PCBP3: variants seen among roughly 807,000 people sequenced by gnomAD.
PCBP3 encodes the protein poly(rC) binding protein 3, also known as poly(rC)-binding protein 3.
A neutral mutation model predicts 52.7 loss-of-function variants in PCBP3; 25 were observed. That is an observed-to-expected ratio of 0.47 (90% CI 0.35 to 0.66). The LOEUF is 0.66. Ranked by LOEUF, PCBP3 falls within the 30% of genes least tolerant of loss-of-function variation. The probability of loss-of-function intolerance (pLI) is 0.01; values close to 1 mark genes in which losing one functional copy is unlikely to be tolerated. For missense variants in PCBP3, 391 were observed against 490.3 expected (o/e 0.80, Z 1.91); for synonymous variants, 162 against 183.0 (o/e 0.89, Z 0.93).
chr21:45,744,010 T>C (rs936516872), intron 3 of PCBP3, among the ~76,000 whole-genome samples: 2 of 151,844 alleles, frequency 1.3e-5, no homozygotes, highest in Non-Finnish European at 2.9e-5. Flanking sequence ...ATTTCTACCA[T>C]GGTTATTGAT....
intron 3 of PCBP3, among the ~76,000 whole-genome samples, chr21:45,755,088 T>A (rs1288167214): frequency 6.6e-6 from 1 of 152,176 alleles, no homozygotes; most frequent in African/African-American, 2.4e-5. Context: ...ATATTATAAA[T>A]AGAATATTTT....
chr21:45,795,212 A>G (rs1015782444), intron 4 of PCBP3, among the ~76,000 whole-genome samples: 2 of 152,198 alleles, frequency 1.3e-5, no homozygotes, highest in African/African-American at 2.4e-5. Flanking sequence ...TTGACAAATC[A>G]AAGGGACCAG....
chr21:45,942,438 G>C lies in PCBP3; in HGVS notation c.*732G>C, dbSNP rs1006199696. The C allele has an allele frequency of 2.6e-5, 4 of 152,168 alleles. No individual in the cohort carries two copies. Among genetic ancestry groups the C allele is most frequent in the African/African-American group, 9.7e-5 (4 of 41,408 alleles). The allele number at this position is 152,168 out of a possible 1,614,324, so 9.4% of individuals were successfully genotyped here. On this transcript the variant is annotated 3_prime_UTR_variant, in exon 18 of 18. Transcript: ENST00000681687. ...CTGTGCTCCTCAGAGTTCAATAAAT[G>C]TCGTGGCCCCTCCTCACCGGCTCTG...
chr21:45,893,830 C>G, intron 5 of PCBP3: 1 of 985,380 alleles, frequency 1.0e-6, no homozygotes, highest in Non-Finnish European at 1.2e-6. Flanking sequence ...AACGGCCAGT[C>G]CCATGGGGCC....
intron 4 of PCBP3, among the ~76,000 whole-genome samples, chr21:45,844,244 G>A (rs183384813): frequency 7.9e-5 from 12 of 152,104 alleles, no homozygotes; most frequent in Admixed American, 2.6e-4. Flanking sequence ...ATGCTTTGCC[G>A]TCTTGGTGAG....
intron 12 of PCBP3, chr21:45,914,610 GC>G (rs2096470082): frequency 6.5e-6 from 1 of 154,026 alleles, no homozygotes; most frequent in Admixed American, 6.5e-5. Flanking sequence ...TTTGGTTTCA[GC>G]CCTTGAGCTC....
At chr21:45,692,913 A>G (rs1603272537) in intron 2 of PCBP3, among the ~76,000 whole-genome samples, 1 of 152,218 alleles carries the variant, frequency 6.6e-6, no homozygotes, top group East Asian at 1.9e-4. Context: ...AATATTTTAA[A>G]TGGATAAAAC....
At chr21:45,707,846 C>G (rs2083557966) in intron 2 of PCBP3, among the ~76,000 whole-genome samples, 1 of 152,170 alleles carries the variant, frequency 6.6e-6, no homozygotes, top group Non-Finnish European at 1.5e-5. Context: ...ATGGAAGTGT[C>G]AAGACCCCAC....
chr21:45,822,104 C>G (rs1468850510), intron 4 of PCBP3, among the ~76,000 whole-genome samples: 1 of 152,222 alleles, frequency 6.6e-6, no homozygotes, highest in East Asian at 1.9e-4. Context: ...CAACGTGTGA[C>G]TATCACCCAT....
intron 3 of PCBP3, among the ~76,000 whole-genome samples, chr21:45,743,341 C>A (rs932530107): frequency 9.2e-5 from 14 of 152,186 alleles, no homozygotes; most frequent in African/African-American, 3.1e-4. Context: ...GAAGTATGCT[C>A]CCTGTAGCTC....
chr21:45,863,598 G>A (rs1009108125), intron 5 of PCBP3, among the ~76,000 whole-genome samples: 8 of 152,226 alleles, frequency 5.3e-5, no homozygotes, highest in Non-Finnish European at 1.0e-4. Flanking sequence ...GCTCCCGCCC[G>A]AGGCCAATGG....
intron 4 of PCBP3, among the ~76,000 whole-genome samples, chr21:45,793,832 T>G (rs2091768125): frequency 6.6e-6 from 1 of 152,088 alleles, no homozygotes; most frequent in Non-Finnish European, 1.5e-5. Context: ...ACAGACAGAC[T>G]AGAATTCAAA....
intron 2 of PCBP3, chr21:45,673,698 G>A (rs1229404478): frequency 1.3e-5 from 2 of 152,168 alleles, no homozygotes; most frequent in Non-Finnish European, 2.9e-5. Flanking sequence ...TCTGGGTAGA[G>A]AAGACATTAT....
At chr21:45,776,024 G>A (rs1043397893) in intron 4 of PCBP3, among the ~76,000 whole-genome samples, 72 of 151,794 alleles carry the variant, frequency 4.7e-4, no homozygotes, top group African/African-American at 1.6e-3. Context: ...ACAGGTTTTC[G>A]TATGTTGTGT....
At chr21:45,789,028 G>A (rs1463835249) in intron 4 of PCBP3, among the ~76,000 whole-genome samples, 1 of 152,174 alleles carries the variant, frequency 6.6e-6, no homozygotes, top group Admixed American at 6.5e-5. Flanking sequence ...GCTCTGTCCT[G>A]GGCTTAGAAC....
intron 3 of PCBP3, among the ~76,000 whole-genome samples, chr21:45,740,219 G>A (rs1054946693): frequency 1.1e-4 from 17 of 152,176 alleles, no homozygotes; most frequent in South Asian, 2.1e-4. Flanking sequence ...AGGAGCCCTC[G>A]CTGTTAGCTC....
chr21:45,939,148 G>A (rs574211904), intron 16 of PCBP3, among the ~76,000 whole-genome samples: 9 of 152,326 alleles, frequency 5.9e-5, no homozygotes, highest in Admixed American at 3.9e-4. Context: ...GCCCTGTGCC[G>A]GGCACCCTCC....
At chr21:45,823,196 A>G (rs1049690544) in intron 4 of PCBP3, among the ~76,000 whole-genome samples, 4 of 152,040 alleles carry the variant, frequency 2.6e-5, no homozygotes, top group East Asian at 1.9e-4. Context: ...TTGTGAAATG[A>G]CCTCTGCAGT....
At chr21:45,914,103 A>G in intron 12 of PCBP3, 78 bp downstream of exon 12, 1 of 1,607,302 alleles carries the variant, frequency 6.2e-7, no homozygotes, top group Middle Eastern at 1.7e-4. Context: ...CCGTTAGTGC[A>G]CTCAGGTTTT....
Sources: allele counts gnomAD v4.1 joint callset (sites outside exome capture counted in the v4.1 genomes callset), GRCh38; gene constraint gnomAD v4.1.1; transcripts MANE v1.5; gene names NCBI Gene and HGNC (gene_info 2026-07-23, HGNC 2026-07-21).